The following TNIK variants were observed in gnomAD, a reference collection of about 807,000 sequenced individuals.
The protein encoded by TNIK is TRAF2 and NCK-interacting protein kinase.
Under a neutral mutation model 191.3 loss-of-function variants are expected in TNIK, and 49 were observed. The ratio of observed to expected loss-of-function variants is 0.26; its 90% CI spans 0.20 to 0.32. The LOEUF (loss-of-function observed/expected upper bound fraction) is 0.32. TNIK is among the 10% of genes least tolerant of loss of function. The pLI is 1.00. For missense variants in TNIK, 1,155 were observed against 1,702.3 expected (o/e 0.68, Z 5.66); for synonymous variants, 594 against 600.9 (o/e 0.99, Z 0.17).
intron 5 of TNIK, among the ~76,000 whole-genome samples, chr3:171,193,529 T>A (rs1026768152): frequency 2.6e-5 from 4 of 152,230 alleles, no homozygotes; most frequent in African/African-American, 9.6e-5. Flanking sequence ...CACATCAATG[T>A]TATAATTTTA....
At position 171,182,708 on chromosome 3, in the gene TNIK, G is replaced by C. The variant is rs1302936775; in HGVS notation, c.640-5328C>G. On this transcript the variant is annotated intron_variant, in intron 7 of 32. Transcript: ENST00000436636. ...TACACAAGCAACTTGAACAGAACAAGAAAGCATTCCTTCTGGGGCTGGGCT... is the reference window on the plus strand; with the variant it reads ...TACACAAGCAACTTGAACAGAACAACAAAGCATTCCTTCTGGGGCTGGGCT... Among the ~76,000 whole-genome samples, 8 of 152,188 alleles carry C rather than the reference G, an allele frequency of 5.3e-5. No individual in the cohort carries two copies. The East Asian group carries it at 1.5e-3, about 29-fold the overall frequency.
At chr3:171,304,655 A>G (rs1753225520) in intron 2 of TNIK, among the ~76,000 whole-genome samples, 1 of 152,228 alleles carries the variant, frequency 6.6e-6, no homozygotes, top group Non-Finnish European at 1.5e-5. Context: ...TGTGGCACAT[A>G]TACACCATGG....
chr3:171,145,506 G>A lies in TNIK; in HGVS notation c.1222-4997C>T, dbSNP rs1011138682. Among the ~76,000 whole-genome samples the A allele has an allele frequency of 7.9e-5, 12 of 152,176 alleles. No individual in the cohort carries two copies. In the East Asian group the frequency reaches 9.6e-4, roughly 12 times the overall value. ...TCCTCCCTATGAATGCTCCCCTCAC[G>A]CTACCTCTAGGTGGAGGCTGTGTGG... On this transcript the variant is annotated intron_variant, in intron 12 of 32. Coordinates refer to ENST00000436636, the MANE Select transcript of TNIK (RefSeq NM_015028.4).
chr3:171,169,219 C>T (rs542649255), intron 9 of TNIK, among the ~76,000 whole-genome samples: 1 of 151,436 alleles, frequency 6.6e-6, no homozygotes, highest in Non-Finnish European at 1.5e-5. Flanking sequence ...ATATAAATGG[C>T]AGTTCTCTTT....
intron 22 of TNIK, among the ~76,000 whole-genome samples, chr3:171,097,670 C>T (rs1202704575): frequency 6.6e-6 from 1 of 152,208 alleles, no homozygotes; most frequent in Non-Finnish European, 1.5e-5. Flanking sequence ...CACCTTCCAC[C>T]ATGATTGTGA....
At chr3:171,209,092 T>TGTGTGC (rs1257407923) in intron 4 of TNIK, among the ~76,000 whole-genome samples, 3 of 151,578 alleles carry the variant, frequency 2.0e-5, no homozygotes, top group African/African-American at 7.3e-5. Flanking sequence ...TGTGTGTGTG[T>TGTGTGC]GTGTGTATGC....
intron 28 of TNIK, among the ~76,000 whole-genome samples, chr3:171,078,726 A>G (rs1042011061): frequency 2.0e-5 from 3 of 152,076 alleles, no homozygotes; most frequent in Non-Finnish European, 2.9e-5. Flanking sequence ...AGCTTTTTTC[A>G]TGGCACTTCA....
intron 2 of TNIK, among the ~76,000 whole-genome samples, chr3:171,293,606 G>T (rs1345445827): frequency 6.6e-6 from 1 of 152,148 alleles, no homozygotes; most frequent in Admixed American, 6.5e-5. Flanking sequence ...GAGACAACAG[G>T]TCTCATGCAA....
At chr3:171,458,120 T>G (rs1234285050) in intron 1 of TNIK, among the ~76,000 whole-genome samples, 1 of 151,914 alleles carries the variant, frequency 6.6e-6, no homozygotes, top group Non-Finnish European at 1.5e-5. Flanking sequence ...CTGCGCATTG[T>G]TCAGACCCCT....
intron 12 of TNIK, among the ~76,000 whole-genome samples, chr3:171,152,346 T>C (rs1448182938): frequency 6.6e-6 from 1 of 151,770 alleles, no homozygotes; most frequent in Non-Finnish European, 1.5e-5. Context: ...AACAAAAAGC[T>C]GATAGCAAAT....
At chr3:171,373,286 T>C (rs2108501183) in intron 1 of TNIK, among the ~76,000 whole-genome samples, 1 of 62,796 alleles carries the variant, frequency 1.6e-5, no homozygotes, top group South Asian at 7.0e-4. Flanking sequence ...TCACTACTCC[T>C]GTTGAAAATA....
chr3:171,193,328 G>C (rs1478753417), intron 5 of TNIK, among the ~76,000 whole-genome samples: 1 of 152,110 alleles, frequency 6.6e-6, no homozygotes, highest in Non-Finnish European at 1.5e-5. Flanking sequence ...TTGAAAATCA[G>C]CTTTATAAAT....
chr3:171,218,888 TTATA>T (rs36173960), intron 3 of TNIK, among the ~76,000 whole-genome samples: 1 of 105,780 alleles, frequency 9.5e-6, no homozygotes, highest in African/African-American at 3.8e-5. Flanking sequence ...TTTTTATATA[TTATA>T]TATTTACATA....
At chr3:171,171,029 G>C (rs1355983974) in intron 9 of TNIK, among the ~76,000 whole-genome samples, 1 of 152,038 alleles carries the variant, frequency 6.6e-6, no homozygotes, top group African/African-American at 2.4e-5. Context: ...ACTAGCCTGG[G>C]TGACAGAATG....
chr3:171,345,492 T>A (rs1476683644), intron 2 of TNIK, among the ~76,000 whole-genome samples: 2 of 152,136 alleles, frequency 1.3e-5, no homozygotes, highest in Non-Finnish European at 2.9e-5. Flanking sequence ...AGTTAAATCT[T>A]AGGCTCACAA....
intron 1 of TNIK, among the ~76,000 whole-genome samples, chr3:171,404,526 T>C (rs572058455): frequency 1.3e-5 from 2 of 151,528 alleles, no homozygotes; most frequent in African/African-American, 4.9e-5. Context: ...TGCCTTGAGT[T>C]TGTTTTTTTT....
At chr3:171,123,558 G>A in intron 18 of TNIK, 38 bp downstream of exon 18, 2 of 1,465,996 alleles carry the variant, frequency 1.4e-6, no homozygotes, top group Non-Finnish European at 1.8e-6. Context: ...TGGTGGGTAG[G>A]AGTTTCTTCT....
intron 2 of TNIK, among the ~76,000 whole-genome samples, chr3:171,350,442 T>C (rs1331476327): frequency 6.6e-6 from 1 of 152,146 alleles, no homozygotes; most frequent in Admixed American, 6.6e-5. Flanking sequence ...TTTGAAGATA[T>C]TAGATGACTA....
chr3:171,410,776 C>A (rs1722293322), intron 1 of TNIK, among the ~76,000 whole-genome samples: 3 of 54,864 alleles, frequency 5.5e-5, no homozygotes, highest in South Asian at 8.9e-4. Flanking sequence ...AAGACTCCAT[C>A]TCAAAAAAAA....
Sources: allele counts gnomAD v4.1 joint callset (sites outside exome capture counted in the v4.1 genomes callset), GRCh38; gene constraint gnomAD v4.1.1; transcripts MANE v1.5; gene names NCBI Gene and HGNC (gene_info 2026-07-23, HGNC 2026-07-21).